The following ABR variants were observed in gnomAD, a reference collection of about 807,000 sequenced individuals.
The protein encoded by ABR is ABR activator of RhoGEF and GTPase, also known as active breakpoint cluster region-related protein.
In ABR, 35 loss-of-function variants were observed where a neutral mutation model predicts 107.2. The observed-to-expected ratio is 0.33, with a 90% CI of 0.25 to 0.43. ABR has a LOEUF of 0.43. Among genes scored for constraint, ABR ranks in the 20% least tolerant of loss-of-function variants. ABR has a pLI of 1.00. For missense variants in ABR, 815 were observed against 1,115.2 expected, an observed-to-expected ratio of 0.73 and a Z score of 3.83; for synonymous variants, 498 against 462.0, an observed-to-expected ratio of 1.08 and a Z score of -1.00.
chr17:1,113,364 G>A (rs2038824631), intron 2 of ABR, among the ~76,000 whole-genome samples: 1 of 130,150 alleles, frequency 7.7e-6, no homozygotes, highest in Non-Finnish European at 1.5e-5. Context: ...TCAGCTCACT[G>A]CAACCTCCGC....
At chr17:1,020,503 C>T (rs551597097) in intron 16 of ABR, among the ~76,000 whole-genome samples, 27 of 152,322 alleles carry the variant, frequency 1.8e-4, no homozygotes, top group South Asian at 4.1e-4. Flanking sequence ...AGGTCCCCTG[C>T]GGCGAAAACC....
intron 1 of ABR, among the ~76,000 whole-genome samples, chr17:1,129,696 C>T (rs2039743892): frequency 1.3e-5 from 2 of 152,110 alleles, no homozygotes; most frequent in South Asian, 4.2e-4. Flanking sequence ...CACCTGTAAT[C>T]CCAGCACTTT....
upstream of ABR, among the ~76,000 whole-genome samples, chr17:1,180,491 G>T (rs73975665): frequency 6.6e-6 from 1 of 151,980 alleles, no homozygotes; most frequent in Non-Finnish European, 1.5e-5. Flanking sequence ...GGCCGTTCCC[G>T]CCACACATGG....
At chr17:1,046,940 C>T (rs188854907) in intron 16 of ABR, among the ~76,000 whole-genome samples, 87 of 152,302 alleles carry the variant, frequency 5.7e-4, no homozygotes, top group African/African-American at 1.6e-3. Context: ...ACATTGGTGA[C>T]GCATGCTGCC....
At chr17:1,121,668 G>C (rs529018425) in intron 2 of ABR, among the ~76,000 whole-genome samples, 53 of 148,316 alleles carry the variant, frequency 3.6e-4, no homozygotes, top group African/African-American at 1.2e-3. Context: ...AGTGGGATGG[G>C]AGCTGAGTCC....
At chr17:1,034,603 G>A (rs2073030296) in intron 16 of ABR, among the ~76,000 whole-genome samples, 2 of 152,118 alleles carry the variant, frequency 1.3e-5, no homozygotes, top group Admixed American at 6.5e-5. Flanking sequence ...GGGGCCCTCG[G>A]GGCTGTAGGG....
intron 2 of ABR, among the ~76,000 whole-genome samples, chr17:1,113,572 A>C (rs2258498): frequency 0.63 from 94,976 of 151,734 alleles, 29,937 homozygotes; most frequent in African/African-American, 0.68. Context: ...CAGGTGTGAG[A>C]CACGGCACCT....
chr17:1,193,446 C>T (rs2042480317), intron 1 of ABR, among the ~76,000 whole-genome samples: 1 of 152,214 alleles, frequency 6.6e-6, no homozygotes, highest in African/African-American at 2.4e-5. Context: ...CCACAGTCAC[C>T]ACGCCCGCTT....
chr17:1,179,826 CG>C lies in ABR; in HGVS notation c.-100del. ...CCGGGGGAGGCCGAAGTTGCGAGCGCGGAGGGGCGAGGAGGCCGGGAACCAG... is the reference window on the plus strand; with the variant it reads ...CCGGGGGAGGCCGAAGTTGCGAGCGCGAGGGGCGAGGAGGCCGGGAACCAG... On this transcript the variant is annotated 5_prime_UTR_variant, in exon 1 of 23. Transcript: ENST00000302538. The surrounding 1 kb of genome is among the most constrained non-coding windows in gnomAD (Gnocchi z 4.9). 8.0e-7 allele frequency: 1 copy of C among 1,253,288 alleles called. No homozygotes were observed. Among genetic ancestry groups the C allele is most frequent in the South Asian group, 1.8e-5 (1 of 54,430 alleles). 77.6% of individuals were successfully genotyped at this position (1,253,288 alleles called of 1,614,324 possible).
chr17:1,105,350 C>T (rs545308416), intron 2 of ABR, among the ~76,000 whole-genome samples: 32 of 152,000 alleles, frequency 2.1e-4, no homozygotes, highest in South Asian at 1.9e-3. Context: ...TATTTGAAAT[C>T]GTAAGAAAAA....
intron 3 of ABR, among the ~76,000 whole-genome samples, chr17:1,095,251 C>T (rs1474910286): frequency 1.3e-5 from 2 of 152,288 alleles, no homozygotes; most frequent in African/African-American, 2.4e-5. Flanking sequence ...GCTTCCTCCT[C>T]AACTTCCCAC....
intron 1 of ABR, among the ~76,000 whole-genome samples, chr17:1,164,367 A>G (rs1179351403): frequency 1.5e-5 from 2 of 132,194 alleles, no homozygotes; most frequent in East Asian, 2.2e-4. Flanking sequence ...GGACCCTGGC[A>G]AAGTGTCACA....
chr17:1,120,301 C>T (rs1295404219), intron 2 of ABR, among the ~76,000 whole-genome samples: 9 of 151,856 alleles, frequency 5.9e-5, no homozygotes, highest in Non-Finnish European at 1.3e-4. Flanking sequence ...TGGCATCTCA[C>T]TCTGTCCCCC....
intron 16 of ABR, among the ~76,000 whole-genome samples, chr17:1,013,631 T>A (rs2070853912): frequency 6.6e-6 from 1 of 151,998 alleles, no homozygotes; most frequent in South Asian, 2.1e-4. Flanking sequence ...TGTTGAAGAG[T>A]CAGGAGCCCG....
At chr17:1,145,671 A>C (rs1278763459) in intron 1 of ABR, among the ~76,000 whole-genome samples, 1 of 152,252 alleles carries the variant, frequency 6.6e-6, no homozygotes. Flanking sequence ...TTCAGAGAAC[A>C]GACAAGTAAT....
upstream of ABR, among the ~76,000 whole-genome samples, chr17:1,184,291 T>C (rs547059929): frequency 2.0e-4 from 30 of 152,138 alleles, no homozygotes; most frequent in African/African-American, 7.2e-4. Flanking sequence ...CCGTCCCTAC[T>C]AAATATACAA....
rs2038563758 is a variant in ABR at position 1,109,936 on chromosome 17, C to A, written c.247-9201G>T. On this transcript the variant is annotated intron_variant, in intron 2 of 22. Coordinates refer to ENST00000302538, the MANE Select transcript of ABR (RefSeq NM_021962.5). ...CCCCACCTCCTCTGAGCAGCCCCCC[C>A]ACTCACAGACCAGCCCCCCTACTCA... 2.5e-5 allele frequency among the ~76,000 whole-genome samples: 3 copies of A among 119,960 alleles called. No individual in the cohort carries two copies. In the South Asian group the frequency reaches 9.4e-4, roughly 37 times the overall value. The allele number at this position is 119,960 out of a possible 152,430, so 78.7% of individuals were successfully genotyped here.
intron 2 of ABR, among the ~76,000 whole-genome samples, chr17:1,119,745 G>A (rs1311740736): frequency 5.9e-5 from 9 of 152,236 alleles, no homozygotes; most frequent in African/African-American, 1.4e-4. Flanking sequence ...TAGGATCAGC[G>A]GCGGGGTGGG....
intron 1 of ABR, among the ~76,000 whole-genome samples, chr17:1,130,130 A>C (rs540646192): frequency 5.5e-4 from 83 of 152,246 alleles, no homozygotes; most frequent in African/African-American, 1.9e-3. Context: ...ACAATTGTTC[A>C]TGATAAAATG....
Sources: gnomAD v4.1 joint callset for allele counts (sites outside exome capture counted in the v4.1 genomes callset) on GRCh38, gnomAD v4.1.1 for gene constraint, Gnocchi (gnomAD v3.1) non-coding constraint, MANE v1.5 for transcripts, NCBI Gene and HGNC (gene_info 2026-07-23, HGNC 2026-07-21) for gene names.